The following KAT2B variants were observed in gnomAD, a reference collection of about 807,000 sequenced individuals.
KAT2B encodes the protein lysine acetyltransferase 2B.
In KAT2B, 36 loss-of-function variants were observed where a neutral mutation model predicts 105.9. The observed-to-expected ratio is 0.34, with a 90% CI of 0.26 to 0.45. The LOEUF (loss-of-function observed/expected upper bound fraction) is 0.45. Among genes scored for constraint, KAT2B ranks in the 20% least tolerant of loss-of-function variants. The pLI, the probability that KAT2B is intolerant of heterozygous loss-of-function variation, is 1.00. For missense variants in KAT2B, 820 were observed against 1,021.6 expected (o/e 0.80, Z 2.69); for synonymous variants, 397 against 377.9 (o/e 1.05, Z -0.59).
chr3:20,105,271 A>G lies in KAT2B; in HGVS notation c.851+3803A>G, dbSNP rs1479772022. Reference sequence around the variant, plus strand: ...TGGTTATAGAAAAAAATGTGGGCAAATATTTTGAAGTTCCTGAATTTCATG... The same window carrying G: ...TGGTTATAGAAAAAAATGTGGGCAAGTATTTTGAAGTTCCTGAATTTCATG... On this transcript the variant is annotated intron_variant, in intron 5 of 17. Coordinates refer to ENST00000263754, the MANE Select transcript of KAT2B (RefSeq NM_003884.5). 1.4e-4 allele frequency among the ~76,000 whole-genome samples: 21 copies of G among 152,316 alleles called. No individual in the cohort carries two copies. In the East Asian group the frequency reaches 1.9e-3, roughly 14 times the overall value.
intron 11 of KAT2B, among the ~76,000 whole-genome samples, chr3:20,134,351 A>C (rs1005038424): frequency 6.6e-6 from 1 of 152,030 alleles, no homozygotes; most frequent in Non-Finnish European, 1.5e-5. Context: ...TCTTCTCTTT[A>C]CCACCTTGAT....
At chr3:20,056,911 A>G (rs1038373585) in intron 1 of KAT2B, among the ~76,000 whole-genome samples, 6 of 152,200 alleles carry the variant, frequency 3.9e-5, no homozygotes, top group African/African-American at 1.2e-4. Flanking sequence ...GGGGAACATA[A>G]CATGATTTGG....
intron 1 of KAT2B, among the ~76,000 whole-genome samples, chr3:20,055,983 C>G (rs1343145254): frequency 6.6e-6 from 1 of 152,110 alleles, no homozygotes; most frequent in East Asian, 1.9e-4. Flanking sequence ...CTATTTATTG[C>G]TGAGGAGTAT....
rs72117296 is a variant in KAT2B at position 20,134,032 on chromosome 3, CCT to C, written c.1750-2908_1750-2907del. On this transcript the variant is annotated intron_variant, in intron 11 of 17. Coordinates refer to ENST00000263754, the MANE Select transcript of KAT2B (RefSeq NM_003884.5). The stretch of plus-strand genomic sequence containing the variant: ...TAATATATGTTGCAACTACACCCCC[CCT>C]CACTTGTCATTTGTCTTTTGTTTAT... Among the ~76,000 whole-genome samples, 1,445 of 152,068 alleles carry C rather than the reference CCT, an allele frequency of 9.5e-3. 24 individuals carry two copies. The highest frequency in any genetic ancestry group is 0.033 in the African/African-American group (1,373 of 41,462).
At position 20,119,591 on chromosome 3, in the gene KAT2B, G is replaced by A. The variant is rs1191032485; in HGVS notation, c.1151-7G>A. On this transcript the variant is annotated splice_region_variant and splice_polypyrimidine_tract_variant and intron_variant, in intron 7 of 17. Coordinates refer to ENST00000263754, the MANE Select transcript of KAT2B (RefSeq NM_003884.5). ...TCTAACACCTTCTTCTCCTTTTGCC[G>A]GGGCAGTTATCAATCCACCTCCTGT... The A allele has an allele frequency of 3.1e-6, 5 of 1,613,678 alleles. No individual in the cohort carries two copies. The highest frequency in any genetic ancestry group is 1.1e-5 in the South Asian group (1 of 91,054).
At chr3:20,135,816 TA>T in intron 11 of KAT2B, among the ~76,000 whole-genome samples, 1 of 152,226 alleles carries the variant, frequency 6.6e-6, no homozygotes, top group East Asian at 1.9e-4. Context: ...GAAGGGCTGT[TA>T]AAAGCAGGAA....
chr3:20,117,767 A>G (rs556041814), intron 7 of KAT2B, among the ~76,000 whole-genome samples: 1 of 152,258 alleles, frequency 6.6e-6, no homozygotes, highest in African/African-American at 2.4e-5. Context: ...GTATGTGACC[A>G]GTGTTATTGA....
chr3:20,059,775 A>T (rs1698068324), intron 1 of KAT2B, among the ~76,000 whole-genome samples: 1 of 152,234 alleles, frequency 6.6e-6, no homozygotes, highest in South Asian at 2.1e-4. Flanking sequence ...TCTAGTTTTA[A>T]GTGTACAATT....
At chr3:20,144,224 G>A (rs79070334) in intron 13 of KAT2B, among the ~76,000 whole-genome samples, 14,926 of 148,434 alleles carry the variant, frequency 0.1, 948 homozygotes, top group Admixed American at 0.16. Context: ...AATTGAAACA[G>A]TCTTCAGCAT....
chr3:20,141,100 G>T (rs967802509), intron 13 of KAT2B, among the ~76,000 whole-genome samples: 1 of 152,154 alleles, frequency 6.6e-6, no homozygotes, highest in Non-Finnish European at 1.5e-5. Flanking sequence ...GTTTCAGGGT[G>T]TGTTCCAGTT....
At chr3:20,144,816 G>A (rs1214373392) in intron 13 of KAT2B, among the ~76,000 whole-genome samples, 1 of 148,414 alleles carries the variant, frequency 6.7e-6, no homozygotes, top group Admixed American at 6.7e-5. Context: ...TTTTTTTTAA[G>A]AGGAAGTCTC....
intron 11 of KAT2B, among the ~76,000 whole-genome samples, chr3:20,132,387 A>G (rs1473588979): frequency 1.3e-5 from 2 of 152,210 alleles, no homozygotes; most frequent in African/African-American, 2.4e-5. Flanking sequence ...AGAAAAAAAT[A>G]TTGAATTTGA....
chr3:20,119,180 A>G (rs562708144), intron 7 of KAT2B, among the ~76,000 whole-genome samples: 23 of 152,166 alleles, frequency 1.5e-4, no homozygotes, highest in African/African-American at 5.1e-4. Context: ...TTGAGACTGT[A>G]TAAATATCTT....
intron 13 of KAT2B, among the ~76,000 whole-genome samples, chr3:20,143,012 G>C (rs1699720953): frequency 6.6e-6 from 1 of 152,088 alleles, no homozygotes; most frequent in South Asian, 2.1e-4. Flanking sequence ...ATTGGGGTTG[G>C]AGAAGCCAAA....
chr3:20,075,916 A>G (rs946180109), intron 2 of KAT2B, among the ~76,000 whole-genome samples: 3 of 151,704 alleles, frequency 2.0e-5, no homozygotes, highest in Admixed American at 2.0e-4. Flanking sequence ...TCAAAAAAAA[A>G]AAAAAAAATT....
chr3:20,131,482 T>C (rs1699510478), intron 11 of KAT2B, among the ~76,000 whole-genome samples: 1 of 152,190 alleles, frequency 6.6e-6, no homozygotes, highest in South Asian at 2.1e-4. Flanking sequence ...ACTTCTTCAA[T>C]ATGGAGTAAA....
intron 1 of KAT2B, among the ~76,000 whole-genome samples, chr3:20,071,060 T>G (rs903713401): frequency 6.7e-6 from 1 of 149,992 alleles, no homozygotes. Context: ...AAAGTAAAAA[T>G]AAGTCAATAT....
At chr3:20,116,374 C>A (rs902899856) in intron 7 of KAT2B, among the ~76,000 whole-genome samples, 15 of 152,122 alleles carry the variant, frequency 9.9e-5, no homozygotes, top group African/African-American at 3.4e-4. Context: ...TCTTTTCTTC[C>A]AGACTTTCAT....
rs1491153005 is a variant in KAT2B at position 20,121,730 on chromosome 3, A to ATGTG, written c.1277-937_1277-936insGTGT. On this transcript the variant is annotated intron_variant, in intron 8 of 17. Coordinates refer to ENST00000263754, the MANE Select transcript of KAT2B (RefSeq NM_003884.5). Reference sequence around the variant, plus strand: ...TATATATGCATACATACACATATGCATATGTGTGTGTGTGTGTGTGTGTGT... The same window carrying ATGTG: ...TATATATGCATACATACACATATGCATGTGTATGTGTGTGTGTGTGTGTGTGTGT... 7.9e-3 allele frequency among the ~76,000 whole-genome samples: 727 copies of ATGTG among 92,516 alleles called. 7 individuals are homozygous for ATGTG. Among genetic ancestry groups the ATGTG allele is most frequent in the South Asian group, 0.016 (55 of 3,396 alleles). 60.7% of individuals were successfully genotyped at this position (92,516 alleles called of 152,430 possible).
Sources: allele counts gnomAD v4.1 joint callset (sites outside exome capture counted in the v4.1 genomes callset), GRCh38; gene constraint gnomAD v4.1.1; transcripts MANE v1.5; gene names NCBI Gene and HGNC (gene_info 2026-07-23, HGNC 2026-07-21).